The following FBXL13 variants were observed in gnomAD, a reference collection of about 807,000 sequenced individuals.
The protein encoded by FBXL13 is F-box and leucine-rich repeat protein 13.
A neutral mutation model predicts 83.6 loss-of-function variants in FBXL13; 67 were observed. The ratio of observed to expected loss-of-function variants is 0.80; its 90% CI spans 0.66 to 0.98. The LOEUF is 0.98. Among genes scored for constraint, FBXL13 ranks in the 50% least tolerant of loss-of-function variants. The pLI is 0.00. For synonymous variants in FBXL13, 272 were observed against 299.5 expected (o/e 0.91, Z 0.95); for missense variants, 822 against 866.5 (o/e 0.95, Z 0.64).
chr7:102,970,850 A>T (rs1826559476), intron 6 of FBXL13, among the ~76,000 whole-genome samples: 2 of 152,232 alleles, frequency 1.3e-5, no homozygotes, highest in Non-Finnish European at 2.9e-5. Flanking sequence ...AGCTAAGAAG[A>T]GAATCAACAA....
intron 16 of FBXL13, among the ~76,000 whole-genome samples, chr7:102,866,554 T>C (rs1394907535): frequency 6.6e-6 from 1 of 152,224 alleles, no homozygotes; most frequent in African/African-American, 2.4e-5. Flanking sequence ...TCCTTTCAAC[T>C]CTCATTCTTC....
At chr7:103,059,270 C>G (rs1383535600) in intron 1 of FBXL13, among the ~76,000 whole-genome samples, 1 of 152,016 alleles carries the variant, frequency 6.6e-6, no homozygotes, top group Non-Finnish European at 1.5e-5. Context: ...AGAGAAAGAC[C>G]TTGTCTCAAA....
intron 11 of FBXL13, among the ~76,000 whole-genome samples, chr7:102,896,890 G>T (rs900200323): frequency 1.3e-5 from 2 of 152,186 alleles, no homozygotes; most frequent in Admixed American, 1.3e-4. Flanking sequence ...TTCCATCAAT[G>T]AACAATGGAT....
At chr7:102,971,467 C>T (rs1291231410) in intron 6 of FBXL13, among the ~76,000 whole-genome samples, 2 of 151,792 alleles carry the variant, frequency 1.3e-5, no homozygotes, top group African/African-American at 4.8e-5. Flanking sequence ...CGTGGTGGCA[C>T]ATGCCTGTAA....
intron 17 of FBXL13, chr7:102,834,473 A>ATGTGTG (rs1554405405): frequency 6.4e-5 from 9 of 141,544 alleles, no homozygotes; most frequent in African/African-American, 2.4e-4. Flanking sequence ...ATATATATAT[A>ATGTGTG]TGTGATGTGG....
At chr7:102,939,569 T>C in intron 8 of FBXL13, 1 of 1,613,490 alleles carries the variant, frequency 6.2e-7, no homozygotes, top group South Asian at 1.1e-5. Flanking sequence ...GCAATGGCAT[T>C]GAATTCATCG....
chr7:103,016,197 T>C (rs1792287850), intron 6 of FBXL13, among the ~76,000 whole-genome samples: 1 of 151,562 alleles, frequency 6.6e-6, no homozygotes, highest in Non-Finnish European at 1.5e-5. Context: ...AGGGTCCAAA[T>C]AGCCAAGGTA....
intron 6 of FBXL13, among the ~76,000 whole-genome samples, chr7:103,012,288 T>A (rs1423545225): frequency 6.7e-6 from 1 of 149,838 alleles, no homozygotes; most frequent in Non-Finnish European, 1.5e-5. Flanking sequence ...GGCAGGAGAA[T>A]CGCTTGAACC....
At chr7:103,067,569 C>G (rs866928786) in intron 1 of FBXL13, among the ~76,000 whole-genome samples, 3 of 152,198 alleles carry the variant, frequency 2.0e-5, no homozygotes, top group Admixed American at 2.0e-4. Context: ...CCAGCCTCCA[C>G]GCTGTGAGGA....
At chr7:102,919,321 A>C (rs847652) in intron 10 of FBXL13, among the ~76,000 whole-genome samples, 38,400 of 152,140 alleles carry the variant, frequency 0.25, 5,722 homozygotes, top group East Asian at 0.43. Context: ...GGCATATAGA[A>C]ATAAAAATGA....
At chr7:102,991,464 A>G (rs1415737541) in intron 6 of FBXL13, among the ~76,000 whole-genome samples, 1 of 152,242 alleles carries the variant, frequency 6.6e-6, no homozygotes, top group Non-Finnish European at 1.5e-5. Context: ...AACACATAAC[A>G]GGAGAAAAAT....
At chr7:102,850,455 T>A (rs1360673111) in intron 17 of FBXL13, among the ~76,000 whole-genome samples, 1 of 152,234 alleles carries the variant, frequency 6.6e-6, no homozygotes, top group Non-Finnish European at 1.5e-5. Context: ...CTGATCACCA[T>A]ATGAGAAATA....
At chr7:102,898,487 CT>C in intron 11 of FBXL13, among the ~76,000 whole-genome samples, 1 of 152,056 alleles carries the variant, frequency 6.6e-6, no homozygotes, top group Non-Finnish European at 1.5e-5. Flanking sequence ...GAGACAGGGT[CT>C]CCCCTATGTT....
At chr7:102,874,954 T>C (rs1439890468) in intron 16 of FBXL13, among the ~76,000 whole-genome samples, 2 of 152,214 alleles carry the variant, frequency 1.3e-5, no homozygotes, top group Admixed American at 1.3e-4. Flanking sequence ...CCTCAAATGC[T>C]AAAAACTAAA....
chr7:102,962,602 A>G (rs1825407478), intron 8 of FBXL13, among the ~76,000 whole-genome samples: 1 of 152,124 alleles, frequency 6.6e-6, no homozygotes, highest in African/African-American at 2.4e-5. Flanking sequence ...ACAATGATAG[A>G]CTGGATTAAG....
chr7:102,843,719 T>C (rs952784023), intron 17 of FBXL13, among the ~76,000 whole-genome samples: 9 of 152,238 alleles, frequency 5.9e-5, no homozygotes, highest in African/African-American at 1.4e-4. Context: ...GAGGTTGCAA[T>C]GAGCCAAGAT....
At chr7:102,983,640 T>G (rs1258042897) in intron 6 of FBXL13, among the ~76,000 whole-genome samples, 2 of 151,954 alleles carry the variant, frequency 1.3e-5, no homozygotes, top group Non-Finnish European at 2.9e-5. Context: ...GGGCTGGTCT[T>G]AAACTCCTGA....
chr7:102,881,416 G>A lies in FBXL13; in HGVS notation c.1388+1889C>T, dbSNP rs146988060. 0.015 allele frequency among the ~76,000 whole-genome samples: 1,878 copies of A among 128,408 alleles called. 102 individuals are homozygous for A. In the East Asian group the frequency reaches 0.17, roughly 12 times the overall value. 84.2% of individuals were successfully genotyped at this position (128,408 alleles called of 152,430 possible). A position where few individuals can be genotyped will look rare whatever the true frequency, so the allele number is the denominator to read the frequency against. On this transcript the variant is annotated intron_variant, in intron 14 of 19. Transcript: ENST00000313221. ...TGCACCACTGCACTCCAGCCTGGGT[G>A]ACAGAGTGAGACTCCATCTCAAAAA...
At chr7:102,836,252 C>A (rs1486266567) in intron 17 of FBXL13, among the ~76,000 whole-genome samples, 2 of 152,152 alleles carry the variant, frequency 1.3e-5, no homozygotes, top group African/African-American at 4.8e-5. Flanking sequence ...CATTCTCATC[C>A]ATGGAAAATC....
Sources: gnomAD v4.1 joint callset for allele counts (sites outside exome capture counted in the v4.1 genomes callset) on GRCh38, gnomAD v4.1.1 for gene constraint, MANE v1.5 for transcripts, NCBI Gene and HGNC (gene_info 2026-07-23, HGNC 2026-07-21) for gene names.